The following GRID2 variants were observed in gnomAD, a reference collection of about 807,000 sequenced individuals.
GRID2 encodes the protein glutamate receptor ionotropic, delta-2.
A neutral mutation model predicts 114.8 loss-of-function variants in GRID2; 33 were observed. That is an observed-to-expected ratio of 0.29 (90% CI 0.22 to 0.38). The LOEUF is 0.38. Ranked by LOEUF, GRID2 falls within the 10% of genes least tolerant of loss-of-function variation. The pLI is 1.00. For missense variants in GRID2, 1,184 were observed against 1,257.7 expected (o/e 0.94, Z 0.89); for synonymous variants, 505 against 449.9 (o/e 1.12, Z -1.55).
intron 8 of GRID2, among the ~76,000 whole-genome samples, chr4:93,323,124 G>A (rs1319092902): frequency 6.6e-6 from 1 of 152,128 alleles, no homozygotes; most frequent in African/African-American, 2.4e-5. Flanking sequence ...CCTTGCCCAT[G>A]CTTCTGTCCT....
intron 2 of GRID2, among the ~76,000 whole-genome samples, chr4:92,793,253 A>G (rs549586253): frequency 6.6e-6 from 1 of 151,794 alleles, no homozygotes; most frequent in East Asian, 2.0e-4. Flanking sequence ...TTTGCCTAGA[A>G]TGTTCATTTT....
intron 4 of GRID2, among the ~76,000 whole-genome samples, chr4:93,135,976 A>G (rs978575787): frequency 1.3e-5 from 2 of 152,174 alleles, no homozygotes; most frequent in Non-Finnish European, 2.9e-5. Context: ...TCCATTTTGT[A>G]AAAATTTAAC....
chr4:92,954,214 C>T (rs1464979669), intron 2 of GRID2, among the ~76,000 whole-genome samples: 20 of 151,834 alleles, frequency 1.3e-4, no homozygotes, highest in Admixed American at 1.3e-3. Flanking sequence ...TATATGTATA[C>T]ACACAAACAT....
intron 1 of GRID2, among the ~76,000 whole-genome samples, chr4:92,360,281 C>G (rs1728549667): frequency 6.6e-6 from 1 of 151,906 alleles, no homozygotes; most frequent in African/African-American, 2.4e-5. Flanking sequence ...TGCCCTACCT[C>G]TCTCTTTTCT....
chr4:92,473,282 C>T lies in GRID2; in HGVS notation c.89-116849C>T, dbSNP rs192851194. Among the ~76,000 whole-genome samples the T allele has an allele frequency of 2.9e-3, 444 of 152,134 alleles. 3 individuals are homozygous for T. Among genetic ancestry groups the T allele is most frequent in the African/African-American group, 9.8e-3 (407 of 41,532 alleles). ...TGTTTTGATGTATGTGATCTTTTAT[C>T]CTGAAAACTTGCAAAACACTTTTTA... On this transcript the variant is annotated intron_variant, in intron 1 of 15. Coordinates refer to ENST00000282020, the MANE Select transcript of GRID2 (RefSeq NM_001510.4).
intron 5 of GRID2, among the ~76,000 whole-genome samples, chr4:93,208,538 A>C (rs2149471613): frequency 6.6e-6 from 1 of 152,102 alleles, no homozygotes; most frequent in Non-Finnish European, 1.5e-5. Context: ...ATACTAAACC[A>C]TATTCTCTGA....
At chr4:93,051,611 G>A (rs1182640209) in intron 2 of GRID2, among the ~76,000 whole-genome samples, 1 of 151,972 alleles carries the variant, frequency 6.6e-6, no homozygotes, top group African/African-American at 2.4e-5. Context: ...CTATTGATGG[G>A]GAAGAATTTA....
chr4:93,131,889 AG>A, intron 4 of GRID2, among the ~76,000 whole-genome samples: 1 of 152,286 alleles, frequency 6.6e-6, no homozygotes, highest in Admixed American at 6.5e-5. Flanking sequence ...GCCGTTATCT[AG>A]GAACATCTGT....
chr4:92,969,865 G>A (rs1285725979), intron 2 of GRID2, among the ~76,000 whole-genome samples: 1 of 151,824 alleles, frequency 6.6e-6, no homozygotes, highest in South Asian at 2.1e-4. Flanking sequence ...CCTGAGGAAA[G>A]GATCACAATA....
At chr4:92,898,132 T>A (rs1218620565) in intron 2 of GRID2, among the ~76,000 whole-genome samples, 6 of 152,208 alleles carry the variant, frequency 3.9e-5, no homozygotes, top group Admixed American at 3.9e-4. Flanking sequence ...ACTGATCATT[T>A]TGTTGAAAAT....
intron 1 of GRID2, among the ~76,000 whole-genome samples, chr4:92,306,722 T>C (rs957470951): frequency 2.2e-4 from 34 of 152,214 alleles, no homozygotes; most frequent in African/African-American, 6.8e-4. Context: ...TGTTTCAAAA[T>C]AGAACAAAAC....
At chr4:93,274,473 G>T (rs1230861393) in intron 8 of GRID2, among the ~76,000 whole-genome samples, 1 of 152,014 alleles carries the variant, frequency 6.6e-6, no homozygotes, top group East Asian at 1.9e-4. Context: ...TAAGAAAAAA[G>T]AAGTAAATAA....
At chr4:92,934,527 G>GA (rs1173550924) in intron 2 of GRID2, among the ~76,000 whole-genome samples, 2 of 145,696 alleles carry the variant, frequency 1.4e-5, no homozygotes, top group African/African-American at 4.9e-5. Context: ...CACAGAATTG[G>GA]AAAAAACTAC....
intron 13 of GRID2, among the ~76,000 whole-genome samples, chr4:93,560,285 TA>T (rs1368443396): frequency 6.0e-5 from 7 of 117,150 alleles, no homozygotes; most frequent in African/African-American, 2.4e-4. Flanking sequence ...GAGTGATTTA[TA>T]AAGGAAAGAG....
At chr4:92,559,336 G>A (rs1208310766) in intron 1 of GRID2, among the ~76,000 whole-genome samples, 1 of 152,080 alleles carries the variant, frequency 6.6e-6, no homozygotes, top group Admixed American at 6.6e-5. Flanking sequence ...ATTACAGAAG[G>A]AGTATCCCTT....
intron 8 of GRID2, among the ~76,000 whole-genome samples, chr4:93,390,578 A>G (rs1458338529): frequency 1.3e-5 from 2 of 152,186 alleles, no homozygotes; most frequent in East Asian, 1.9e-4. Context: ...CTTGAACTCA[A>G]TCAGTCTTCT....
chr4:92,624,638 C>T (rs1275460373), intron 2 of GRID2, among the ~76,000 whole-genome samples: 1 of 151,642 alleles, frequency 6.6e-6, no homozygotes, highest in Non-Finnish European at 1.5e-5. Flanking sequence ...GAGTTTCTCT[C>T]AGTAAATTCG....
intron 13 of GRID2, among the ~76,000 whole-genome samples, chr4:93,557,330 G>A (rs1206070275): frequency 6.6e-6 from 1 of 152,148 alleles, no homozygotes; most frequent in Non-Finnish European, 1.5e-5. Flanking sequence ...TCAGTGTGCT[G>A]TATTCAGGAG....
At chr4:92,523,178 A>G (rs1724873071) in intron 1 of GRID2, among the ~76,000 whole-genome samples, 1 of 152,058 alleles carries the variant, frequency 6.6e-6, no homozygotes. Flanking sequence ...TGAGTCCAAG[A>G]GAGAGGGAAA....
Sources: allele counts gnomAD v4.1 joint callset (sites outside exome capture counted in the v4.1 genomes callset), GRCh38; gene constraint gnomAD v4.1.1; transcripts MANE v1.5; gene names NCBI Gene and HGNC (gene_info 2026-07-23, HGNC 2026-07-21).